Variants in ARHGEF28 observed in about 807,000 individuals in gnomAD.
The protein encoded by ARHGEF28 is 190 kDa guanine nucleotide exchange factor.
ARHGEF28 carries 152 observed loss-of-function variants against 206.6 expected under a neutral mutation model. The ratio of observed to expected loss-of-function variants is 0.74; its 90% CI spans 0.64 to 0.84. The LOEUF is 0.84. Among genes scored for constraint, ARHGEF28 ranks in the 40% least tolerant of loss-of-function variants. The pLI, the probability that ARHGEF28 is intolerant of heterozygous loss-of-function variation, is 0.00. For synonymous variants in ARHGEF28, 763 were observed against 776.4 expected (o/e 0.98, Z 0.29); for missense variants, 2,028 against 2,073.2 (o/e 0.98, Z 0.42).
At chr5:73,764,654 C>G (rs1346757378) in intron 4 of ARHGEF28, among the ~76,000 whole-genome samples, 1 of 152,186 alleles carries the variant, frequency 6.6e-6, no homozygotes, top group East Asian at 1.9e-4. Context: ...TGCCATTATG[C>G]TTGTTTCAGT....
At chr5:73,641,586 A>AT (rs2112140510) in intron 1 of ARHGEF28, among the ~76,000 whole-genome samples, 1 of 152,252 alleles carries the variant, frequency 6.6e-6, no homozygotes, top group African/African-American at 2.4e-5. Flanking sequence ...TTTTTAATAT[A>AT]TTTTTAAAAA....
chr5:73,933,187 A>G (rs2112035385), intron 35 of ARHGEF28, among the ~76,000 whole-genome samples: 1 of 152,198 alleles, frequency 6.6e-6, no homozygotes. Flanking sequence ...AGAAATCCAA[A>G]TTCCAAGAAA....
chr5:73,754,146 A>G (rs1752178530), intron 4 of ARHGEF28, among the ~76,000 whole-genome samples: 1 of 152,030 alleles, frequency 6.6e-6, no homozygotes, highest in Non-Finnish European at 1.5e-5. Flanking sequence ...TTCCTGGTAA[A>G]TTCTAGTTGT....
chr5:73,677,091 A>AT (rs2112231013), intron 1 of ARHGEF28, among the ~76,000 whole-genome samples: 1 of 152,338 alleles, frequency 6.6e-6, no homozygotes, highest in African/African-American at 2.4e-5. Flanking sequence ...CTCTCTAAAT[A>AT]TGGAATGATT....
At chr5:73,901,361 C>A in intron 31 of ARHGEF28, 77 bp downstream of exon 31, 1 of 1,222,008 alleles carries the variant, frequency 8.2e-7, no homozygotes, top group Non-Finnish European at 1.2e-6. Flanking sequence ...TGGTCTGTCA[C>A]GGCAGTCAGT....
Position 73,941,635 on chromosome 5 carries a change from G to A in ARHGEF28, c.*622G>A, listed in dbSNP as rs1346377735. The A allele has an allele frequency of 6.6e-6, 1 of 152,248 alleles. No homozygotes were observed. Among genetic ancestry groups the A allele is most frequent in the Admixed American group, 6.5e-5 (1 of 15,278 alleles). 9.4% of individuals were successfully genotyped at this position (152,248 alleles called of 1,614,324 possible). ...AATGCTGGTGGGGTTTCAAGACATG[G>A]TTCAGCATCATCTTTTAACAAGGCC... On this transcript the variant is annotated 3_prime_UTR_variant, in exon 36 of 36. Coordinates refer to ENST00000513042, the MANE Select transcript of ARHGEF28 (RefSeq NM_001177693.2).
intron 9 of ARHGEF28, among the ~76,000 whole-genome samples, chr5:73,797,289 G>GAC (rs3056523): frequency 0.64 from 97,450 of 152,020 alleles, 32,872 homozygotes; most frequent in African/African-American, 0.87. Context: ...AAGAACCTGA[G>GAC]AGAGAAGGGG....
intron 35 of ARHGEF28, among the ~76,000 whole-genome samples, chr5:73,920,790 T>C (rs919749860): frequency 1.3e-5 from 2 of 152,162 alleles, no homozygotes; most frequent in Non-Finnish European, 2.9e-5. Context: ...TGGCCATGCA[T>C]AGGAGATGAG....
At chr5:73,629,414 G>A (rs1342241231) in intron 1 of ARHGEF28, among the ~76,000 whole-genome samples, 2 of 151,882 alleles carry the variant, frequency 1.3e-5, no homozygotes, top group East Asian at 3.9e-4. Context: ...GGCAGAGTGG[G>A]GAGGATAGCT....
At chr5:73,715,423 C>T (rs2112317611) in intron 2 of ARHGEF28, among the ~76,000 whole-genome samples, 1 of 152,122 alleles carries the variant, frequency 6.6e-6, no homozygotes, top group Non-Finnish European at 1.5e-5. Flanking sequence ...CTGCTAAGGA[C>T]CAAGAGAGGA....
At chr5:73,680,881 T>G (rs944239195) in intron 1 of ARHGEF28, among the ~76,000 whole-genome samples, 2 of 152,114 alleles carry the variant, frequency 1.3e-5, no homozygotes, top group African/African-American at 4.8e-5. Context: ...TCTTTTTTTT[T>G]CTTTAGAGAT....
intron 35 of ARHGEF28, among the ~76,000 whole-genome samples, chr5:73,916,973 A>C (rs564552781): frequency 8.5e-5 from 13 of 152,344 alleles, no homozygotes; most frequent in Non-Finnish European, 7.4e-5. Context: ...GTCTGTTATC[A>C]AGCCTAGTTC....
rs370341684 is a variant in ARHGEF28 at position 73,873,006 on chromosome 5, G to T, written c.2574G>T (p.Met858Ile). The T allele has an allele frequency of 6.2e-7, 1 of 1,613,562 alleles. No homozygotes were observed. Among genetic ancestry groups the T allele is most frequent in the Non-Finnish European group, 8.5e-7 (1 of 1,179,636 alleles). Residue 858 changes from methionine to isoleucine, a missense_variant, in exon 22 of 36, where the codon ATG becomes ATT. By Grantham distance (10) the Met-to-Ile change is conservative. Transcript: ENST00000513042. ...IKRQDVIFELMQTEMHHIQTL... is the reference protein window; with the variant it reads ...IKRQDVIFELIQTEMHHIQTL... Reference sequence around the variant, plus strand: ...TGTGCTCACACATTTCAGAGCTAATGCAAACAGAGATGCATCACATCCAGA... The same window carrying T: ...TGTGCTCACACATTTCAGAGCTAATTCAAACAGAGATGCATCACATCCAGA...
chr5:73,728,972 C>G (rs550902798), intron 2 of ARHGEF28, among the ~76,000 whole-genome samples: 1 of 152,254 alleles, frequency 6.6e-6, no homozygotes, highest in East Asian at 1.9e-4. Context: ...GCAGAAAGCC[C>G]TGGATATGAT....
intron 3 of ARHGEF28, among the ~76,000 whole-genome samples, chr5:73,752,688 G>C (rs1752080559): frequency 6.6e-6 from 1 of 152,104 alleles, no homozygotes; most frequent in Admixed American, 6.5e-5. Context: ...GCTCGTAAAG[G>C]TAAGTTTTAA....
chr5:73,811,630 A>G (rs914016372), intron 9 of ARHGEF28, among the ~76,000 whole-genome samples: 2 of 152,204 alleles, frequency 1.3e-5, no homozygotes, highest in Non-Finnish European at 2.9e-5. Flanking sequence ...AAGGGCTGAA[A>G]GTTACATATC....
At chr5:73,896,089 T>TTA (rs1761946609) in intron 29 of ARHGEF28, among the ~76,000 whole-genome samples, 1 of 152,120 alleles carries the variant, frequency 6.6e-6, no homozygotes, top group South Asian at 2.1e-4. Context: ...CAGACAATAC[T>TTA]TACGGAAAAA....
At chr5:73,702,080 A>G (rs1012640815) in intron 2 of ARHGEF28, among the ~76,000 whole-genome samples, 1 of 152,244 alleles carries the variant, frequency 6.6e-6, no homozygotes, top group Admixed American at 6.5e-5. Flanking sequence ...AGGAACTGAC[A>G]AACAATTTTC....
intron 35 of ARHGEF28, among the ~76,000 whole-genome samples, chr5:73,915,549 A>T (rs967399829): frequency 6.6e-6 from 1 of 152,176 alleles, no homozygotes; most frequent in African/African-American, 2.4e-5. Context: ...AGAATATTTG[A>T]ATTTCCTTAA....
Sources: gnomAD v4.1 joint callset for allele counts (sites outside exome capture counted in the v4.1 genomes callset) on GRCh38, gnomAD v4.1.1 for gene constraint, MANE v1.5 for transcripts, NCBI Gene and HGNC (gene_info 2026-07-23, HGNC 2026-07-21) for gene names.